Variants in NRCAM observed in about 807,000 individuals in gnomAD.
NRCAM encodes the protein neuronal cell adhesion molecule, also known as NgCAM-related cell adhesion molecule.
A neutral mutation model predicts 156.5 loss-of-function variants in NRCAM; 83 were observed. That is an observed-to-expected ratio of 0.53 (90% CI 0.44 to 0.64). NRCAM has a LOEUF of 0.64. NRCAM is among the 30% of genes least tolerant of loss of function. The pLI is 0.00. For synonymous variants in NRCAM, 538 were observed against 563.9 expected, an observed-to-expected ratio of 0.95 and a Z score of 0.65; for missense variants, 1,417 against 1,597.3, an observed-to-expected ratio of 0.89 and a Z score of 1.92.
At chr7:108,405,695 TTTAG>T (rs2099805283) in intron 1 of NRCAM, among the ~76,000 whole-genome samples, 1 of 151,172 alleles carries the variant, frequency 6.6e-6, no homozygotes, top group Non-Finnish European at 1.5e-5. Context: ...GACATTACGT[TTTAG>T]TTAAAGTTAG....
intron 32 of NRCAM, among the ~76,000 whole-genome samples, chr7:108,151,810 A>T (rs1235801448): frequency 5.3e-5 from 8 of 152,170 alleles, no homozygotes; most frequent in Non-Finnish European, 1.0e-4. Flanking sequence ...TTTCAGTGTG[A>T]CAGTTAATTC....
chr7:108,230,117 C>A (rs906553257), intron 8 of NRCAM, among the ~76,000 whole-genome samples: 1 of 152,154 alleles, frequency 6.6e-6, no homozygotes, highest in Non-Finnish European at 1.5e-5. Flanking sequence ...ATATCCCCAA[C>A]AGCTTGACTT....
chr7:108,154,144 C>A (rs62469167), intron 32 of NRCAM, among the ~76,000 whole-genome samples: 7 of 151,988 alleles, frequency 4.6e-5, no homozygotes, highest in Non-Finnish European at 8.8e-5. Context: ...AGTTAGAGAA[C>A]TGGACCTAGC....
At chr7:108,446,419 C>A (rs551054940) in intron 1 of NRCAM, among the ~76,000 whole-genome samples, 1 of 152,308 alleles carries the variant, frequency 6.6e-6, no homozygotes, top group East Asian at 1.9e-4. Flanking sequence ...GACATTCTGA[C>A]ATTTTGCAAT....
intron 2 of NRCAM, among the ~76,000 whole-genome samples, chr7:108,353,888 G>A (rs2099453583): frequency 1.3e-5 from 2 of 152,226 alleles, no homozygotes; most frequent in South Asian, 4.1e-4. Context: ...CCATTGCACA[G>A]AGGAACATTG....
intron 3 of NRCAM, among the ~76,000 whole-genome samples, chr7:108,243,897 A>G (rs1350416394): frequency 3.3e-5 from 5 of 152,192 alleles, no homozygotes; most frequent in Non-Finnish European, 5.9e-5. Context: ...AAAGAAATGC[A>G]ATTCAAGGTT....
chr7:108,255,473 T>C (rs1275747768), intron 3 of NRCAM, among the ~76,000 whole-genome samples: 4 of 152,136 alleles, frequency 2.6e-5, no homozygotes, highest in Non-Finnish European at 4.4e-5. Context: ...CAGTGCTCAA[T>C]GTTGCCCAGG....
At chr7:108,330,674 C>A (rs1007954981) in intron 2 of NRCAM, among the ~76,000 whole-genome samples, 3 of 152,140 alleles carry the variant, frequency 2.0e-5, no homozygotes, top group Admixed American at 6.6e-5. Flanking sequence ...ACTGGGATGG[C>A]CATGCAGAAG....
At chr7:108,333,491 A>G (rs750286159) in intron 2 of NRCAM, among the ~76,000 whole-genome samples, 21 of 152,134 alleles carry the variant, frequency 1.4e-4, no homozygotes, top group Non-Finnish European at 2.8e-4. Context: ...CCCTAGCTGG[A>G]AGAGATCTTT....
intron 2 of NRCAM, among the ~76,000 whole-genome samples, chr7:108,366,175 G>C (rs919365690): frequency 6.6e-6 from 1 of 152,100 alleles, no homozygotes; most frequent in African/African-American, 2.4e-5. Context: ...CCCAGCCCCC[G>C]GAACTATGAG....
chr7:108,239,671 T>C (rs976728767), intron 4 of NRCAM, among the ~76,000 whole-genome samples: 3 of 152,146 alleles, frequency 2.0e-5, no homozygotes, highest in Non-Finnish European at 4.4e-5. Flanking sequence ...TCAGGCAGCT[T>C]GCACAACTCA....
intron 1 of NRCAM, among the ~76,000 whole-genome samples, chr7:108,410,911 A>G (rs1488390969): frequency 2.0e-5 from 3 of 152,238 alleles, no homozygotes; most frequent in Non-Finnish European, 2.9e-5. Flanking sequence ...AAAATAGTTT[A>G]TATAACATCT....
intron 3 of NRCAM, among the ~76,000 whole-genome samples, chr7:108,297,976 C>A (rs1424930534): frequency 2.6e-5 from 4 of 152,272 alleles, no homozygotes; most frequent in African/African-American, 9.6e-5. Context: ...GTGGTGGGAG[C>A]ATCCTGGCTT....
chr7:108,178,376 C>A, intron 25 of NRCAM: 1 of 465,160 alleles, frequency 2.1e-6, no homozygotes, highest in Non-Finnish European at 4.0e-6. Context: ...TGGACTCAAA[C>A]CTAATATTTT....
chr7:108,376,185 T>C (rs995162641), intron 2 of NRCAM, among the ~76,000 whole-genome samples: 2 of 152,202 alleles, frequency 1.3e-5, no homozygotes, highest in African/African-American at 4.8e-5. Context: ...GGGGCAGCCA[T>C]GTGATCCCAG....
intron 30 of NRCAM, among the ~76,000 whole-genome samples, chr7:108,161,839 G>A (rs12111953): frequency 0.16 from 24,300 of 152,194 alleles, 2,591 homozygotes; most frequent in African/African-American, 0.31. Context: ...TACCTTATTT[G>A]AAATACAAGT....
intron 12 of NRCAM, among the ~76,000 whole-genome samples, 199 bp downstream of exon 12, chr7:108,209,222 T>C (rs2153582257): frequency 6.6e-6 from 1 of 152,330 alleles, no homozygotes. Flanking sequence ...CTGGGATTCT[T>C]TTGTGAGGAA....
At chr7:108,422,707 C>T (rs180965082) in intron 1 of NRCAM, among the ~76,000 whole-genome samples, 39 of 152,228 alleles carry the variant, frequency 2.6e-4, no homozygotes, top group Admixed American at 9.2e-4. Flanking sequence ...AAGAACAGTG[C>T]CAGGCATTGA....
intron 14 of NRCAM, among the ~76,000 whole-genome samples, chr7:108,196,344 C>A (rs1291910286): frequency 6.6e-6 from 1 of 152,056 alleles, no homozygotes; most frequent in South Asian, 2.1e-4. Context: ...TGGGATTACA[C>A]CAGACTAAAA....
Sources: allele counts gnomAD v4.1 joint callset (sites outside exome capture counted in the v4.1 genomes callset), GRCh38; gene constraint gnomAD v4.1.1; transcripts MANE v1.5; gene names NCBI Gene and HGNC (gene_info 2026-07-23, HGNC 2026-07-21).